The following SIK3 variants were observed in gnomAD, a reference collection of about 807,000 sequenced individuals.
The protein encoded by SIK3 is SIK family kinase 3, also known as serine/threonine-protein kinase SIK3.
Under a neutral mutation model 144.2 loss-of-function variants are expected in SIK3, and 28 were observed. The observed-to-expected ratio is 0.19, with a 90% confidence interval of 0.14 to 0.27. The LOEUF is 0.27. SIK3 is among the 10% of genes least tolerant of loss of function. The probability of loss-of-function intolerance (pLI) is 1.00; values close to 1 mark genes in which losing one functional copy is unlikely to be tolerated. For missense variants in SIK3, 1,319 were observed against 1,776.0 expected (o/e 0.74, Z 4.62); for synonymous variants, 686 against 676.3 (o/e 1.01, Z -0.22).
intron 4 of SIK3, among the ~76,000 whole-genome samples, chr11:116,921,582 A>G (rs1026762524): frequency 1.3e-5 from 2 of 151,996 alleles, no homozygotes; most frequent in Admixed American, 1.3e-4. Context: ...ATGTTGCCCC[A>G]GGTCTCAAAA....
chr11:116,866,394 C>T (rs903409213), intron 15 of SIK3, among the ~76,000 whole-genome samples: 1 of 151,110 alleles, frequency 6.6e-6, no homozygotes, highest in Non-Finnish European at 1.5e-5. Context: ...TCACAGGAAA[C>T]GTATAGGGGA....
In SIK3 at chr11:116,859,549, C is replaced by T; in HGVS notation, c.2481G>A (p.Gln827=). Residue 827 remains glutamine, a synonymous_variant, in exon 20 of 25, where the codon CAG becomes CAA. Coordinates refer to ENST00000445177, the MANE Select transcript of SIK3 (RefSeq NM_001366686.3). The part of the protein sequence containing the change: ...QGLPSRSAIF[Q]QQPENCSSPP... ...GAGAGGAACAGTTCTCAGGTTGCTG[C>T]TGAAAGATTGCACTGCGGGAAGGTA... The T allele has an allele frequency of 3.1e-6, 5 of 1,614,158 alleles. No individual in the cohort carries two copies. The highest frequency in any genetic ancestry group is 4.2e-6 in the Non-Finnish European group (5 of 1,180,038).
intron 1 of SIK3, among the ~76,000 whole-genome samples, chr11:117,087,805 G>A (rs1415250347): frequency 2.6e-5 from 4 of 151,884 alleles, no homozygotes; most frequent in South Asian, 2.1e-4. Flanking sequence ...CAATATATCC[G>A]GAGCAAAAAA....
chr11:117,013,899 AGGGGGGGGGG>A (rs71037440), intron 1 of SIK3, among the ~76,000 whole-genome samples: 426 of 26,654 alleles, frequency 0.016, 26 homozygotes, highest in African/African-American at 0.024. Context: ...CCAGATTCTG[AGGGGGGGGGG>A]GGGAGGGTGT....
chr11:116,874,716 T>C (rs1944152070), intron 11 of SIK3, among the ~76,000 whole-genome samples: 1 of 152,190 alleles, frequency 6.6e-6, no homozygotes, highest in Non-Finnish European at 1.5e-5. Context: ...AGAAAAGAGA[T>C]ATTTATAAGA....
intron 1 of SIK3, among the ~76,000 whole-genome samples, chr11:117,001,594 G>C (rs1220239842): frequency 1.3e-5 from 2 of 152,072 alleles, no homozygotes; most frequent in South Asian, 2.1e-4. Context: ...TGAGACAAGA[G>C]AATCACAAGC....
chr11:117,020,596 C>T (rs1951728769), intron 1 of SIK3, among the ~76,000 whole-genome samples: 1 of 152,086 alleles, frequency 6.6e-6, no homozygotes, highest in Non-Finnish European at 1.5e-5. Flanking sequence ...TAACCAATGG[C>T]CAATGACTTA....
intron 1 of SIK3, among the ~76,000 whole-genome samples, chr11:117,091,211 T>TC (rs1955233527): frequency 6.9e-6 from 1 of 145,436 alleles, no homozygotes; most frequent in South Asian, 2.2e-4. Flanking sequence ...TTTTTTTTTT[T>TC]TTTTTTTTTT....
At chr11:116,907,175 C>T (rs1946084934) in intron 4 of SIK3, among the ~76,000 whole-genome samples, 1 of 152,086 alleles carries the variant, frequency 6.6e-6, no homozygotes. Flanking sequence ...ATGCCTGAGA[C>T]GTGAGGTTCA....
intron 1 of SIK3, among the ~76,000 whole-genome samples, chr11:117,012,680 T>C (rs7125788): frequency 0.16 from 24,435 of 152,012 alleles, 2,089 homozygotes; most frequent in Admixed American, 0.21. Flanking sequence ...CCTTCCTTCT[T>C]TGACTACCTC....
intron 1 of SIK3, among the ~76,000 whole-genome samples, chr11:117,049,310 G>A (rs1471603833): frequency 6.6e-6 from 1 of 152,138 alleles, no homozygotes; most frequent in Non-Finnish European, 1.5e-5. Flanking sequence ...GGACGCAGTG[G>A]CTCATGACTG....
At chr11:116,875,527 G>A in intron 9 of SIK3, 76 bp from the exon 10 acceptor site, 1 of 1,461,972 alleles carries the variant, frequency 6.8e-7, no homozygotes, top group South Asian at 1.2e-5. Context: ...AAGTAGTCTT[G>A]ATTGCTAAAG....
intron 2 of SIK3, among the ~76,000 whole-genome samples, chr11:116,956,364 T>C (rs1949139653): frequency 6.6e-6 from 1 of 151,748 alleles, no homozygotes; most frequent in African/African-American, 2.4e-5. Flanking sequence ...AATAGAAATC[T>C]CTCCTATTGG....
intron 1 of SIK3, chr11:117,036,191 G>C (rs1049137202): frequency 2.2e-6 from 1 of 450,484 alleles, no homozygotes; most frequent in Non-Finnish European, 3.9e-6. Context: ...AAAATGTTGG[G>C]ATTGCAGGTG....
intron 3 of SIK3, among the ~76,000 whole-genome samples, chr11:116,951,940 G>GAATA (rs139188169): frequency 0.04 from 5,681 of 141,236 alleles, 139 homozygotes; most frequent in East Asian, 0.064. Context: ...GCTCAAAAAA[G>GAATA]AATAAATAAA....
Position 116,858,572 on chromosome 11 carries a change from T to C in SIK3, c.2893A>G (p.Thr965Ala), listed in dbSNP as rs745929840. The C allele has an allele frequency of 2.5e-6, 4 of 1,613,262 alleles. No individual in the cohort carries two copies. In the South Asian group the frequency reaches 3.3e-5, roughly 13 times the overall value. Residue 965 changes from threonine to alanine, a missense_variant, in exon 21 of 25, where the codon ACC (threonine) becomes GCC (alanine). Thr to Ala is a moderately conservative substitution (Grantham distance 58). Coordinates refer to ENST00000445177, the MANE Select transcript of SIK3 (RefSeq NM_001366686.3). The surrounding 1 kb of genome is among the most constrained non-coding windows in gnomAD (Gnocchi z 5.4). ...AGTGGAGGGACTTTCAGGGCTTGGGTTGGAGAGAACCCCACTCCTGTTGAA... is the reference window on the plus strand; with the variant it reads ...AGTGGAGGGACTTTCAGGGCTTGGGCTGGAGAGAACCCCACTCCTGTTGAA... ...SPSTGVGFSP[T>A]QALKVPPLDQ...
At chr11:116,966,109 A>G (rs1032831445) in intron 1 of SIK3, among the ~76,000 whole-genome samples, 6 of 152,200 alleles carry the variant, frequency 3.9e-5, no homozygotes. Flanking sequence ...TCAAAATGGC[A>G]ACCAAAGAAC....
rs1037271983 is a variant in SIK3, at chr11:117,075,840, C to CTTTTTT, written c.273+22297_273+22302dup. Among the ~76,000 whole-genome samples, 3 of 40,918 alleles carry CTTTTTT rather than the reference C, an allele frequency of 7.3e-5. 1 individual carries two copies. Among genetic ancestry groups the CTTTTTT allele is most frequent in the African/African-American group, 3.2e-4 (2 of 6,248 alleles). The allele number at this position is 40,918 out of a possible 152,430, so 26.8% of individuals were successfully genotyped here. The stretch of plus-strand genomic sequence containing the variant: ...TATAGGCGTGAGCCACCAAGCCTGG[C>CTTTTTT]TTTTTTTTTTTTTTTTTTTTTTTTT... On this transcript the variant is annotated intron_variant, in intron 1 of 24. Transcript: ENST00000445177.
At chr11:116,992,831 A>G (rs879092584) in intron 1 of SIK3, among the ~76,000 whole-genome samples, 1 of 152,152 alleles carries the variant, frequency 6.6e-6, no homozygotes, top group Admixed American at 6.5e-5. Context: ...AGAAAAATTT[A>G]AAAATTAGCC....
Sources: gnomAD v4.1 joint callset for allele counts (sites outside exome capture counted in the v4.1 genomes callset) on GRCh38, gnomAD v4.1.1 for gene constraint, Gnocchi (gnomAD v3.1) non-coding constraint, MANE v1.5 for transcripts, NCBI Gene and HGNC (gene_info 2026-07-23, HGNC 2026-07-21) for gene names.